Variants in TUBGCP5 observed in about 807,000 individuals in gnomAD.
The protein encoded by TUBGCP5 is tubulin gamma complex component 5.
In TUBGCP5, 98 loss-of-function variants were observed where a neutral mutation model predicts 134.7. The observed-to-expected ratio is 0.73, with a 90% CI of 0.62 to 0.86. The LOEUF is 0.86. Ranked by LOEUF, TUBGCP5 falls within the 40% of genes least tolerant of loss-of-function variation. The pLI is 0.00. For synonymous variants in TUBGCP5, 456 were observed against 431.4 expected (o/e 1.06, Z -0.71); for missense variants, 1,150 against 1,244.8 (o/e 0.92, Z 1.15).
At chr15:23,011,971 C>A (rs1230316087) in intron 13 of TUBGCP5, among the ~76,000 whole-genome samples, 1 of 151,322 alleles carries the variant, frequency 6.6e-6, no homozygotes, top group Non-Finnish European at 1.5e-5. Context: ...TAGCTGAGTG[C>A]AGTGGAATGT....
intron 3 of TUBGCP5, among the ~76,000 whole-genome samples, chr15:23,033,470 G>A (rs1407945483): frequency 6.6e-6 from 1 of 152,072 alleles, no homozygotes; most frequent in Non-Finnish European, 1.5e-5. Context: ...GTAGAGATGG[G>A]GTTTCACCAT....
rs1418627029 is a variant in TUBGCP5, at chr15:23,013,258, C to A, written c.1757-1927G>T. ...ATGAGGTCAGGGGATCGAGACCATA[C>A]TGGCTAGTATGGTAAAACCCCGTCT... On this transcript the variant is annotated intron_variant, in intron 13 of 22. Coordinates refer to ENST00000615383, the MANE Select transcript of TUBGCP5 (RefSeq NM_052903.6). The surrounding 1 kb of genome is among the most constrained non-coding windows in gnomAD (Gnocchi z 4.5). 6.6e-6 allele frequency among the ~76,000 whole-genome samples: 1 copy of A among 151,946 alleles called. No individual in the cohort carries two copies. Among genetic ancestry groups the A allele is most frequent in the South Asian group, 2.1e-4 (1 of 4,810 alleles).
At chr15:22,988,484 A>G (rs2063746296) in intron 23 of TUBGCP5, among the ~76,000 whole-genome samples, 2 of 151,734 alleles carry the variant, frequency 1.3e-5, no homozygotes, top group Non-Finnish European at 2.9e-5. Flanking sequence ...CTGTAATCCC[A>G]GCACTTTGGG....
Position 23,039,539 on chromosome 15 carries a change from G to A in TUBGCP5, c.5C>T (p.Ala2Val), listed in dbSNP as rs773613527. 7.2e-5 allele frequency: 105 copies of A among 1,458,302 alleles called. No homozygotes were observed. The highest frequency in any genetic ancestry group is 9.0e-5 in the Non-Finnish European group (98 of 1,091,080). 90.3% of individuals were successfully genotyped at this position (1,458,302 alleles called of 1,614,324 possible). Residue 2 changes from alanine to valine, a missense_variant, in exon 1 of 23, where the codon GCG (alanine) becomes GTG (valine). Physicochemically the swap from Ala to Val is moderately conservative, Grantham distance 64. This residue lies in a region of TUBGCP5 where 453 missense variants were observed against 394.7 expected (regional missense o/e 1.15). Transcript: ENST00000615383. ...CCGACTCCACGGTGGCCCGTGCCGCGCCATGTTCCGCGCTCCTGCAGCGCG... is the reference window on the plus strand; with the variant it reads ...CCGACTCCACGGTGGCCCGTGCCGCACCATGTTCCGCGCTCCTGCAGCGCG... M[A>V]RHGPPWSRLD...
At chr15:23,009,912 T>C (rs1207109544) in intron 15 of TUBGCP5, 33 bp downstream of exon 15, 1 of 1,589,726 alleles carries the variant, frequency 6.3e-7, no homozygotes, top group Non-Finnish European at 8.6e-7. Flanking sequence ...CAATCAACTA[T>C]TTACTACTTC....
At chr15:22,984,625 A>T (rs908534768) in intron 23 of TUBGCP5, among the ~76,000 whole-genome samples, 1 of 152,064 alleles carries the variant, frequency 6.6e-6, no homozygotes, top group African/African-American at 2.4e-5. Context: ...TGTTAAAAAA[A>T]AAATAAAAGA....
Position 23,000,724 on chromosome 15 carries a change from G to C in TUBGCP5, c.2928-55C>G, listed in dbSNP as rs556616544. On this transcript the variant is annotated intron_variant, in intron 21 of 22. Transcript: ENST00000615383. ...AAGTGCATTGCGGGTATATAGGTAG[G>C]CTTCAAGATATCTGTGGAGTAATTT... 6 of 1,290,032 alleles carry C rather than the reference G, an allele frequency of 4.7e-6. No homozygotes were observed. The South Asian group carries it at 8.9e-5, about 19-fold the overall frequency. 79.9% of individuals were successfully genotyped at this position (1,290,032 alleles called of 1,614,324 possible). A position where few individuals can be genotyped will look rare whatever the true frequency, so the allele number is the denominator to read the frequency against.
intron 23 of TUBGCP5, among the ~76,000 whole-genome samples, chr15:22,993,557 T>TTTTTTTTTTA (rs2063932615): frequency 5.7e-5 from 7 of 123,338 alleles, no homozygotes; most frequent in African/African-American, 2.5e-4. Flanking sequence ...TTTTTTTTTT[T>TTTTTTTTTTA]AATATGAGAC....
chr15:23,039,383 C>T lies in TUBGCP5; in HGVS notation c.146+15G>A. 2.1e-6 allele frequency: 3 copies of T among 1,426,444 alleles called. No individual in the cohort carries two copies. The highest frequency in any genetic ancestry group is 1.5e-5 in the South Asian group (1 of 66,442). 88.4% of individuals were successfully genotyped at this position (1,426,444 alleles called of 1,614,324 possible). On this transcript the variant is annotated intron_variant, in intron 1 of 22. Coordinates refer to ENST00000615383, the MANE Select transcript of TUBGCP5 (RefSeq NM_052903.6). ...GGCTGTGGCCGGGAACCCGCCCGCG[C>T]GCCGTGCCCCACACCTGAAGTTGGA...
chr15:23,012,681 C>T (rs2065103100), intron 13 of TUBGCP5, among the ~76,000 whole-genome samples: 1 of 152,198 alleles, frequency 6.6e-6, no homozygotes, highest in South Asian at 2.1e-4. Flanking sequence ...GCTGGGATTA[C>T]AGCATAAAAC....
At chr15:22,983,886 G>C (rs1437464891) in intron 23 of TUBGCP5, among the ~76,000 whole-genome samples, 1 of 152,106 alleles carries the variant, frequency 6.6e-6, no homozygotes, top group East Asian at 1.9e-4. Context: ...ACTTTGGGAG[G>C]CCGAGGCAGT....
chr15:22,987,626 G>A (rs1310910155), intron 23 of TUBGCP5, among the ~76,000 whole-genome samples: 1 of 151,170 alleles, frequency 6.6e-6, no homozygotes. Context: ...GCCAGGCGCG[G>A]TGGCTCACGC....
At chr15:23,025,308 T>C (rs2065922648) in intron 8 of TUBGCP5, among the ~76,000 whole-genome samples, 1 of 152,224 alleles carries the variant, frequency 6.6e-6, no homozygotes, top group Non-Finnish European at 1.5e-5. Context: ...CTCAAGATAT[T>C]TCAACATCAT....
At chr15:23,009,241 C>T (rs953047826) in intron 15 of TUBGCP5, among the ~76,000 whole-genome samples, 33 of 151,542 alleles carry the variant, frequency 2.2e-4, no homozygotes, top group African/African-American at 7.3e-4. Context: ...TAGTTCCTAC[C>T]GTATTATATC....
At chr15:22,995,647 T>C (rs2064036223), downstream of TUBGCP5, among the ~76,000 whole-genome samples, 1 of 150,262 alleles carries the variant, frequency 6.7e-6, no homozygotes, top group Non-Finnish European at 1.5e-5. Context: ...CCACCAGTAA[T>C]GTAAGAAATT....
At chr15:22,993,491 G>A (rs1349096200) in intron 23 of TUBGCP5, among the ~76,000 whole-genome samples, 1 of 144,042 alleles carries the variant, frequency 6.9e-6, no homozygotes, top group Non-Finnish European at 1.5e-5. Context: ...TCGACCTCCT[G>A]GGCTCAAATA....
chr15:23,032,778 T>G lies in TUBGCP5; in HGVS notation c.356A>C (p.Asp119Ala). The change falls in exon 4 of 23, where the codon GAC (aspartate) becomes GCC (alanine). Residue 119 changes from aspartate to alanine, a missense_variant. Physicochemically the swap from Asp to Ala is moderately radical, Grantham distance 126. Around this residue, in one of 2 missense-constraint regions of TUBGCP5, gnomAD observed 453 missense variants for 394.7 expected, o/e 1.15. Coordinates refer to ENST00000615383, the MANE Select transcript of TUBGCP5 (RefSeq NM_052903.6). ...CACATAACTGCTGTTTGAAGGAGAG[T>G]CTGACAGACACAGAAGAAGTGACAG... The part of the protein sequence containing the change: ...SILSLLLCLS[D>A]SPSNSSYVET... 1 of 1,597,556 alleles carries G rather than the reference T, an allele frequency of 6.3e-7. No homozygotes were observed. The highest frequency in any genetic ancestry group is 8.5e-7 in the Non-Finnish European group (1 of 1,174,134).
chr15:22,998,863 C>T (rs1311351179), downstream of TUBGCP5, among the ~76,000 whole-genome samples: 1 of 152,118 alleles, frequency 6.6e-6, no homozygotes, highest in East Asian at 1.9e-4. Context: ...ATGATCCGCC[C>T]ACCTCGGCCT....
downstream of TUBGCP5, among the ~76,000 whole-genome samples, chr15:22,997,799 G>C (rs535309085): frequency 6.6e-6 from 1 of 150,556 alleles, no homozygotes; most frequent in East Asian, 2.0e-4. Flanking sequence ...TGTATTTTTA[G>C]TAGAGACAAG....
Sources: gnomAD v4.1 joint callset for allele counts (sites outside exome capture counted in the v4.1 genomes callset) on GRCh38, gnomAD v4.1.1 for gene constraint, gnomAD v4.1.1 regional missense constraint, Gnocchi (gnomAD v3.1) non-coding constraint, MANE v1.5 for transcripts, NCBI Gene and HGNC (gene_info 2026-07-23, HGNC 2026-07-21) for gene names.